Variants in VTI1A observed in about 807,000 individuals in gnomAD.
The protein encoded by VTI1A is vesicle transport through interaction with t-SNAREs homolog 1A.
VTI1A carries 22 observed loss-of-function variants against 34.9 expected under a neutral mutation model. The ratio of observed to expected loss-of-function variants is 0.63; its 90% CI spans 0.45 to 0.90. The LOEUF is 0.90. Among genes scored for constraint, VTI1A ranks in the 40% least tolerant of loss-of-function variants. The probability of loss-of-function intolerance (pLI) is 0.00; values close to 1 mark genes in which losing one functional copy is unlikely to be tolerated. For synonymous variants in VTI1A, 87 were observed against 97.3 expected (o/e 0.89, Z 0.62); for missense variants, 268 against 275.6 (o/e 0.97, Z 0.20).
chr10:112,584,095 C>T (rs1844059812), intron 5 of VTI1A, among the ~76,000 whole-genome samples: 1 of 152,164 alleles, frequency 6.6e-6, no homozygotes, highest in Non-Finnish European at 1.5e-5. Context: ...TGTTTAGCAT[C>T]TACAATAGTA....
At chr10:112,731,394 G>A (rs751232319) in intron 7 of VTI1A, among the ~76,000 whole-genome samples, 4 of 152,048 alleles carry the variant, frequency 2.6e-5, no homozygotes, top group African/African-American at 9.7e-5. Context: ...CCAACATGGC[G>A]AAACCCCATC....
chr10:112,746,132 A>T (rs1474403755), intron 7 of VTI1A, among the ~76,000 whole-genome samples: 1 of 152,106 alleles, frequency 6.6e-6, no homozygotes, highest in Non-Finnish European at 1.5e-5. Flanking sequence ...TTCCTTGAAG[A>T]CTCTGGAATT....
rs1291049167 is a variant in VTI1A, at chr10:112,538,289, C to G, written c.386C>G (p.Ser129Cys). The stretch of plus-strand genomic sequence containing the variant: ...AACACAGAGAGGCTGGAAAGGTCAT[C>G]TCGGAGACTAGAGGCTGGATACCAA... Reference protein sequence around the residue: ...LDNTERLERSSRRLEAGYQIA... With the variant: ...LDNTERLERSCRRLEAGYQIA... The change falls in exon 5 of 8, where the codon TCT (serine) becomes TGT (cysteine). Residue 129 changes from serine to cysteine, a missense_variant. Ser to Cys is a moderately radical substitution (Grantham distance 112). Transcript: ENST00000393077. 6.2e-7 allele frequency: 1 copy of G among 1,613,408 alleles called. No individual in the cohort carries two copies. Among genetic ancestry groups the G allele is most frequent in the East Asian group, 2.2e-5 (1 of 44,832 alleles).
the VTI1A span, among the ~76,000 whole-genome samples, chr10:112,830,831 A>ATTTTTT: frequency 2.3e-5 from 1 of 43,674 alleles, no homozygotes; most frequent in Admixed American, 3.0e-4. Context: ...TCATATATAT[A>ATTTTTT]TATATATATA....
intron 5 of VTI1A, among the ~76,000 whole-genome samples, chr10:112,606,509 T>G (rs1245469279): frequency 1.3e-5 from 2 of 152,222 alleles, no homozygotes; most frequent in African/African-American, 4.8e-5. Context: ...AAGACAGTTA[T>G]GAGCTGTGTG....
intron 5 of VTI1A, among the ~76,000 whole-genome samples, chr10:112,660,580 G>T (rs373521733): frequency 1.3e-5 from 2 of 152,218 alleles, no homozygotes; most frequent in Admixed American, 1.3e-4. Context: ...GATCATTTTA[G>T]AGTTGGTTGT....
chr10:112,807,866 A>C (rs2134083105), intron 7 of VTI1A, among the ~76,000 whole-genome samples: 1 of 151,980 alleles, frequency 6.6e-6, no homozygotes, highest in South Asian at 2.1e-4. Context: ...AAAAAATAAA[A>C]AATAAAAATA....
Position 112,818,237 on chromosome 10 carries a change from T to C in VTI1A, c.*2854T>C, listed in dbSNP as rs1008139134. On this transcript the variant is annotated 3_prime_UTR_variant, in exon 8 of 8. Transcript: ENST00000393077. Reference sequence around the variant, plus strand: ...GAACAAAATTGTGCGGCTCTGGCCATCCCATGCGGGGCAAGCCCATTGAGG... The same window carrying C: ...GAACAAAATTGTGCGGCTCTGGCCACCCCATGCGGGGCAAGCCCATTGAGG... The C allele has an allele frequency of 4.3e-6, 1 of 233,138 alleles. No individual in the cohort carries two copies. The highest frequency in any genetic ancestry group is 8.5e-6 in the Non-Finnish European group (1 of 117,776). The allele number at this position is 233,138 out of a possible 1,614,324, so 14.4% of individuals were successfully genotyped here.
intron 5 of VTI1A, among the ~76,000 whole-genome samples, chr10:112,545,562 C>G (rs1174392340): frequency 6.6e-6 from 1 of 152,194 alleles, no homozygotes; most frequent in Non-Finnish European, 1.5e-5. Flanking sequence ...AATTTTGCAT[C>G]AATCTAAAGA....
At chr10:112,787,698 C>CTT (rs34862909) in intron 7 of VTI1A, among the ~76,000 whole-genome samples, 32 of 103,244 alleles carry the variant, frequency 3.1e-4, no homozygotes, top group African/African-American at 5.5e-4. Context: ...TTTTTCTTTT[C>CTT]TTTTTTTTTT....
At chr10:112,603,365 T>G (rs151134526) in intron 5 of VTI1A, among the ~76,000 whole-genome samples, 1,855 of 152,312 alleles carry the variant, frequency 0.012, 41 homozygotes, top group African/African-American at 0.043. Context: ...CCTTGACCAT[T>G]GATATATAGC....
chr10:112,844,493 G>A, the VTI1A span, among the ~76,000 whole-genome samples: 5 of 152,304 alleles, frequency 3.3e-5, no homozygotes, highest in East Asian at 5.8e-4. Flanking sequence ...CCACCTCCCG[G>A]GTTGAAGCGA....
rs116021303 is a variant in VTI1A at position 112,750,416 on chromosome 10, G to C, written c.561-64874G>C. On this transcript the variant is annotated intron_variant, in intron 7 of 7. Coordinates refer to ENST00000393077, the MANE Select transcript of VTI1A (RefSeq NM_145206.4). ...GTTTTTTGAGAGAGGAGGTCTCACT[G>C]TGTTGCCCAGGCTGGTCTGGAGCTC... Among the ~76,000 whole-genome samples, 840 of 152,082 alleles carry C rather than the reference G, an allele frequency of 5.5e-3. 9 individuals are homozygous for C. The highest frequency in any genetic ancestry group is 0.018 in the African/African-American group (761 of 41,490).
At chr10:112,519,689 C>G (rs1054584992) in intron 3 of VTI1A, among the ~76,000 whole-genome samples, 1 of 152,036 alleles carries the variant, frequency 6.6e-6, no homozygotes, top group Admixed American at 6.6e-5. Context: ...GGGTTCTGTC[C>G]TTGTTCTGCC....
At chr10:112,594,351 A>G (rs1432790009) in intron 5 of VTI1A, among the ~76,000 whole-genome samples, 1 of 152,200 alleles carries the variant, frequency 6.6e-6, no homozygotes, top group East Asian at 1.9e-4. Flanking sequence ...GTATTCAATT[A>G]GGAAAAGAGG....
At chr10:112,736,105 GTGTGTGTA>G (rs1850444454) in intron 7 of VTI1A, among the ~76,000 whole-genome samples, 1 of 90,270 alleles carries the variant, frequency 1.1e-5, no homozygotes, top group African/African-American at 7.5e-5. Flanking sequence ...ATATATATGT[GTGTGTGTA>G]TATATATATA....
chr10:112,533,444 T>A (rs1199045375), intron 4 of VTI1A: 6 of 856,730 alleles, frequency 7.0e-6, no homozygotes, highest in Non-Finnish European at 8.5e-6. Flanking sequence ...ATTGTCAATG[T>A]TAATTCTGTA....
intron 7 of VTI1A, among the ~76,000 whole-genome samples, chr10:112,705,997 A>G (rs777642674): frequency 3.3e-5 from 5 of 152,208 alleles, no homozygotes; most frequent in Non-Finnish European, 5.9e-5. Context: ...TACAGTTTAC[A>G]TTCATCAATC....
chr10:112,817,175 A>G lies in VTI1A; in HGVS notation c.*1792A>G. 4.3e-6 allele frequency: 1 copy of G among 232,672 alleles called. No homozygotes were observed. 14.4% of individuals were successfully genotyped at this position (232,672 alleles called of 1,614,324 possible). On this transcript the variant is annotated 3_prime_UTR_variant, in exon 8 of 8. Coordinates refer to ENST00000393077, the MANE Select transcript of VTI1A (RefSeq NM_145206.4). ...ACCCTTTTCTCATTCCGACACACGA[A>G]TAGTCATCGAGTATTACACCAGCCC...
Sources: allele counts gnomAD v4.1 joint callset (sites outside exome capture counted in the v4.1 genomes callset), GRCh38; gene constraint gnomAD v4.1.1; transcripts MANE v1.5; gene names NCBI Gene and HGNC (gene_info 2026-07-23, HGNC 2026-07-21).